The following NAT1 variants were observed in gnomAD, a reference collection of about 807,000 sequenced individuals.
The protein encoded by NAT1 is arylamine N-acetyltransferase 1.
For synonymous variants in NAT1, 144 were observed against 122.6 expected (o/e 1.17, Z -1.16); for missense variants, 400 against 339.2 (o/e 1.18, Z -1.41).
chr8:18,189,904 C>T (rs916494994), intron 2 of NAT1, among the ~76,000 whole-genome samples: 4 of 152,172 alleles, frequency 2.6e-5, no homozygotes, highest in Admixed American at 6.5e-5. Flanking sequence ...ATTCTCCTGC[C>T]TCAGCCTCCT....
chr8:18,201,333 T>A (rs1264062095), intron 2 of NAT1: 2 of 152,146 alleles, frequency 1.3e-5, no homozygotes, highest in African/African-American at 4.8e-5. Context: ...GCTAAGACAG[T>A]AATTAAAATG....
intron 2 of NAT1, among the ~76,000 whole-genome samples, chr8:18,184,224 T>C (rs1802639390): frequency 6.6e-6 from 1 of 152,162 alleles, no homozygotes; most frequent in South Asian, 2.1e-4. Flanking sequence ...GCCTGCAGAA[T>C]TAGAACCACA....
intron 2 of NAT1, among the ~76,000 whole-genome samples, chr8:18,190,104 T>C (rs1802921219): frequency 6.6e-6 from 1 of 152,180 alleles, no homozygotes. Context: ...ATTGACATTT[T>C]ATATTCTAAT....
At chr8:18,180,918 T>A (rs185656928) in intron 2 of NAT1, among the ~76,000 whole-genome samples, 5 of 152,312 alleles carry the variant, frequency 3.3e-5, no homozygotes, top group African/African-American at 9.6e-5. Context: ...CTTTATAGTA[T>A]AATTTGAGAC....
chr8:18,177,264 G>C (rs1287458478), intron 2 of NAT1, among the ~76,000 whole-genome samples: 2 of 151,856 alleles, frequency 1.3e-5, no homozygotes, highest in African/African-American at 2.4e-5. Flanking sequence ...TATATTCCAA[G>C]AATAGTAAAT....
At position 18,222,433 on chromosome 8, in the gene NAT1, A is replaced by G. The variant is rs548004925; in HGVS notation, c.386A>G (p.Tyr129Cys). ...YIVDAGFGRS[Y>C]QMWQPLELIS... is the part of the protein sequence containing the mutation. The stretch of plus-strand genomic sequence containing the variant: ...GTCGATGCTGGGTTTGGACGCTCAT[A>G]CCAGATGTGGCAGCCTCTGGAGTTA... The change falls in exon 3 of 3, where the codon TAC becomes TGC. Residue 129 changes from tyrosine (Y) to cysteine (C), a missense_variant. Tyr to Cys is a radical substitution (Grantham distance 194). Transcript: ENST00000307719. 10 of 1,614,082 alleles carry G rather than the reference A, an allele frequency of 6.2e-6. No homozygotes were observed. The African/African-American group carries it at 1.2e-4, about 19-fold the overall frequency.
Position 18,222,619 on chromosome 8 carries a change from C to A in NAT1, c.572C>A (p.Ser191Tyr). Residue 191 changes from serine to tyrosine, a missense_variant, in exon 3 of 3, where the codon TCC (serine) becomes TAC (tyrosine). Transcript: ENST00000307719. ...LEDSKYRKIYSFTLKPRTIED... is the reference protein window; with the variant it reads ...LEDSKYRKIYYFTLKPRTIED... The stretch of plus-strand genomic sequence containing the variant: ...GACAGCAAATACCGAAAAATCTACT[C>A]CTTTACTCTTAAGCCTCGAACAATT... The A allele has an allele frequency of 3.7e-6, 6 of 1,613,368 alleles. No individual in the cohort carries two copies. The highest frequency in any genetic ancestry group is 5.1e-6 in the Non-Finnish European group (6 of 1,179,740).
chr8:18,177,863 G>A (rs908894337), intron 2 of NAT1, among the ~76,000 whole-genome samples: 3 of 151,980 alleles, frequency 2.0e-5, no homozygotes, highest in African/African-American at 7.2e-5. Flanking sequence ...AGTGACTTTG[G>A]GCACCTTTTA....
At chr8:18,177,083 A>G (rs917981279) in intron 2 of NAT1, among the ~76,000 whole-genome samples, 1 of 151,992 alleles carries the variant, frequency 6.6e-6, no homozygotes, top group Non-Finnish European at 1.5e-5. Flanking sequence ...ATCTTATTGA[A>G]TTGATCACTT....
At chr8:18,192,281 C>T (rs1015034638) in intron 2 of NAT1, among the ~76,000 whole-genome samples, 7 of 152,118 alleles carry the variant, frequency 4.6e-5, no homozygotes, top group African/African-American at 1.7e-4. Context: ...AAATCAAAAC[C>T]ACAATGAGAT....
chr8:18,199,387 C>T (rs1241540139), intron 2 of NAT1, among the ~76,000 whole-genome samples: 1 of 150,910 alleles, frequency 6.6e-6, no homozygotes, highest in Non-Finnish European at 1.5e-5. Context: ...GCCTCTGTAA[C>T]TTGTTCTTCC....
intron 2 of NAT1, among the ~76,000 whole-genome samples, chr8:18,194,864 GTA>G (rs1427662959): frequency 1.3e-5 from 2 of 151,824 alleles, no homozygotes; most frequent in East Asian, 1.9e-4. Flanking sequence ...GCAGGAATGT[GTA>G]TGTTTCTCTT....
At chr8:18,178,584 G>A (rs1005715056) in intron 2 of NAT1, among the ~76,000 whole-genome samples, 4 of 152,150 alleles carry the variant, frequency 2.6e-5, no homozygotes, top group Non-Finnish European at 5.9e-5. Context: ...TATAGCTGAA[G>A]AGCTCATGAA....
intron 2 of NAT1, among the ~76,000 whole-genome samples, chr8:18,198,420 C>T (rs1803324181): frequency 6.6e-6 from 1 of 152,146 alleles, no homozygotes. Context: ...CTTAAATCCC[C>T]TTCTATCAGA....
chr8:18,178,446 A>G (rs1802377271), intron 2 of NAT1, among the ~76,000 whole-genome samples: 2 of 152,164 alleles, frequency 1.3e-5, no homozygotes, highest in South Asian at 2.1e-4. Flanking sequence ...ACTTGATAAC[A>G]AAACAGACAT....
In NAT1 at chr8:18,210,148, G is replaced by A. The variant is rs927100356; in HGVS notation, c.-118G>A. 5 of 152,258 alleles carry A rather than the reference G, an allele frequency of 3.3e-5. No individual in the cohort carries two copies. The highest frequency in any genetic ancestry group is 9.7e-5 in the African/African-American group (4 of 41,436). 9.4% of individuals were successfully genotyped at this position (152,258 alleles called of 1,614,324 possible). A position where few individuals can be genotyped will look rare whatever the true frequency, so the allele number is the denominator to read the frequency against. On this transcript the variant is annotated 5_prime_UTR_variant, in exon 1 of 3. Coordinates refer to ENST00000307719, the MANE Select transcript of NAT1 (RefSeq NM_000662.8). ...CTTGGATGTGGGAGGATTGCATTCAGTCTAGTTCCTGGTTGCCGGCTGAAA... is the reference window on the plus strand; with the variant it reads ...CTTGGATGTGGGAGGATTGCATTCAATCTAGTTCCTGGTTGCCGGCTGAAA...
intron 2 of NAT1, among the ~76,000 whole-genome samples, chr8:18,198,092 A>G (rs900279052): frequency 1.1e-4 from 17 of 152,344 alleles, no homozygotes; most frequent in African/African-American, 3.6e-4. Flanking sequence ...TAGAACTTCT[A>G]GAATTGATAC....
At chr8:18,178,225 G>C (rs1802369357) in intron 2 of NAT1, among the ~76,000 whole-genome samples, 1 of 152,048 alleles carries the variant, frequency 6.6e-6, no homozygotes, top group Non-Finnish European at 1.5e-5. Context: ...TTTAGCAACT[G>C]TTTTGCATAT....
At chr8:18,192,186 A>G (rs1414500459) in intron 2 of NAT1, among the ~76,000 whole-genome samples, 1 of 152,160 alleles carries the variant, frequency 6.6e-6, no homozygotes, top group Admixed American at 6.5e-5. Flanking sequence ...AAAGGATATG[A>G]ACAGACACTT....
Sources: allele counts gnomAD v4.1 joint callset (sites outside exome capture counted in the v4.1 genomes callset), GRCh38; gene constraint gnomAD v4.1.1; transcripts MANE v1.5; gene names NCBI Gene and HGNC (gene_info 2026-07-23, HGNC 2026-07-21).